The following FHIP1B variants were observed in gnomAD, a reference collection of about 807,000 sequenced individuals.
FHIP1B encodes FHF complex subunit HOOK-interacting protein 1B.
Under a neutral mutation model 82.2 loss-of-function variants are expected in FHIP1B, and 28 were observed. The observed-to-expected ratio is 0.34, with a 90% CI of 0.25 to 0.47. The LOEUF is 0.47. Ranked by LOEUF, FHIP1B falls within the 20% of genes least tolerant of loss-of-function variation. The pLI is 1.00. For synonymous variants in FHIP1B, 585 were observed against 516.1 expected (o/e 1.13, Z -1.81); for missense variants, 1,110 against 1,262.6 (o/e 0.88, Z 1.83).
Position 6,211,709 on chromosome 11 carries a change from G to C in FHIP1B, c.2716C>G (p.Leu906Val). 6.2e-7 allele frequency: 1 copy of C among 1,614,228 alleles called. No homozygotes were observed. The highest frequency in any genetic ancestry group is 8.5e-7 in the Non-Finnish European group (1 of 1,180,024). ...GSPGASTPVLLTRGGAPERQG... is the reference protein window; with the variant it reads ...GSPGASTPVLVTRGGAPERQG... ...CGTTCAGGGGCCCCGCCCCGGGTGA[G>C]TAGAACTGGAGTTGAAGCCCCAGGG... Residue 906 changes from leucine (L) to valine (V), a missense_variant, in exon 12 of 12, where the codon CTC becomes GTC. Coordinates refer to ENST00000449352, the MANE Select transcript of FHIP1B (RefSeq NM_001098794.2).
intron 1 of FHIP1B, among the ~76,000 whole-genome samples, chr11:6,233,553 G>A (rs1590642192): frequency 6.6e-6 from 1 of 152,312 alleles, no homozygotes; most frequent in African/African-American, 2.4e-5. Flanking sequence ...GTGTACACAT[G>A]TCAAAACTCA....
rs1435816528 is a variant in FHIP1B at position 6,222,488 on chromosome 11, T to C, written c.1145A>G (p.His382Arg). 4 of 1,613,866 alleles carry C rather than the reference T, an allele frequency of 2.5e-6. No individual in the cohort carries two copies. The highest frequency in any genetic ancestry group is 3.4e-6 in the Non-Finnish European group (4 of 1,180,012). The change falls in exon 6 of 12, where the codon CAC becomes CGC. Residue 382 changes from histidine to arginine, a missense_variant. Coordinates refer to ENST00000449352, the MANE Select transcript of FHIP1B (RefSeq NM_001098794.2). ...RFLLLHRHDTHTILDTLVARI... is the reference protein window; with the variant it reads ...RFLLLHRHDTRTILDTLVARI... Reference sequence around the variant, plus strand: ...AGCAACGAGGGTGTCGAGGATGGTGTGGGTGTCATGCCGGTGCAACAACAG... The same window carrying C: ...AGCAACGAGGGTGTCGAGGATGGTGCGGGTGTCATGCCGGTGCAACAACAG...
Position 6,218,114 on chromosome 11 carries a change from G to C in FHIP1B, c.1472C>G (p.Thr491Arg), listed in dbSNP as rs3750944. Residue 491 changes from threonine to arginine, a missense_variant, in exon 9 of 12, where the codon ACG (threonine) becomes AGG (arginine). This residue lies in a region of FHIP1B where 418 missense variants were observed against 371.4 expected (regional missense o/e 1.13). Coordinates refer to ENST00000449352, the MANE Select transcript of FHIP1B (RefSeq NM_001098794.2). ...TGGTGTGGAGGGCCGGGGTACTGTCGTCACAGAAGAGGAGTCCACACTTGG... is the reference window on the plus strand; with the variant it reads ...TGGTGTGGAGGGCCGGGGTACTGTCCTCACAGAAGAGGAGTCCACACTTGG... ...GSPSVDSSSV[T>R]TVPRPSTPSR... 60 of 1,611,554 alleles carry C rather than the reference G, an allele frequency of 3.7e-5. No individual in the cohort carries two copies. The highest frequency in any genetic ancestry group is 1.6e-4 in the Middle Eastern group (1 of 6,074).
chr11:6,218,557 C>T, intron 8 of FHIP1B, 43 bp downstream of exon 8: 1 of 1,612,992 alleles, frequency 6.2e-7, no homozygotes, highest in Non-Finnish European at 8.5e-7. Flanking sequence ...CTAGGCCATA[C>T]CCGTGATGTC....
At chr11:6,221,970 T>A (rs1190724234) in intron 6 of FHIP1B, among the ~76,000 whole-genome samples, 1 of 152,144 alleles carries the variant, frequency 6.6e-6, no homozygotes, top group Non-Finnish European at 1.5e-5. Flanking sequence ...CGAAAGTAGA[T>A]AGGTGGGTGG....
At chr11:6,225,219 T>C (rs1422925416) in intron 1 of FHIP1B, among the ~76,000 whole-genome samples, 1 of 152,278 alleles carries the variant, frequency 6.6e-6, no homozygotes, top group Non-Finnish European at 1.5e-5. Flanking sequence ...TACAGGAGCC[T>C]ACATAATCTA....
At chr11:6,215,636 T>G (rs1847205363) in intron 9 of FHIP1B, among the ~76,000 whole-genome samples, 1 of 152,160 alleles carries the variant, frequency 6.6e-6, no homozygotes, top group African/African-American at 2.4e-5. Flanking sequence ...GAACAGAATA[T>G]GTAGTAAAAG....
At chr11:6,227,365 G>A (rs1323989358) in intron 1 of FHIP1B, among the ~76,000 whole-genome samples, 1 of 152,194 alleles carries the variant, frequency 6.6e-6, no homozygotes, top group East Asian at 1.9e-4. Context: ...TGCAAATGCA[G>A]AATATCTGCC....
intron 9 of FHIP1B, 52 bp downstream of exon 9, chr11:6,217,319 C>T (rs765565992): frequency 1.3e-5 from 20 of 1,531,690 alleles, no homozygotes; most frequent in Middle Eastern, 1.7e-4. Flanking sequence ...ACAAACATGT[C>T]GAGAACATGC....
At position 6,211,556 on chromosome 11, in the gene FHIP1B, C is replaced by T; in HGVS notation, c.2869G>A (p.Glu957Lys). The T allele has an allele frequency of 1.2e-6, 2 of 1,613,712 alleles. No homozygotes were observed. The highest frequency in any genetic ancestry group is 1.7e-6 in the Non-Finnish European group (2 of 1,179,778). ...VTSPFLLETS[E>K]EGSGPLISGC... ...GAGATGAGAGGGCCAGATCCTTCCT[C>T]TGAAGTCTCCAACAAGAAAGGCGAG... The change falls in exon 12 of 12, where the codon GAG (glutamate) becomes AAG (lysine). Residue 957 changes from glutamate (E) to lysine (K), a missense_variant. This residue lies in a region of FHIP1B where 29 missense variants were observed against 21.5 expected (regional missense o/e 1.35). Coordinates refer to ENST00000449352, the MANE Select transcript of FHIP1B (RefSeq NM_001098794.2).
At chr11:6,232,317 T>C (rs1847719097) in intron 1 of FHIP1B, among the ~76,000 whole-genome samples, 1 of 152,256 alleles carries the variant, frequency 6.6e-6, no homozygotes, top group African/African-American at 2.4e-5. Flanking sequence ...CATGATATGA[T>C]CCACTATCAA....
intron 1 of FHIP1B, among the ~76,000 whole-genome samples, chr11:6,232,373 C>G (rs1277273905): frequency 6.6e-6 from 1 of 152,232 alleles, no homozygotes; most frequent in Non-Finnish European, 1.5e-5. Flanking sequence ...GTCACTGCGA[C>G]AGCATTAAAC....
rs3750945 is a variant in FHIP1B, at chr11:6,222,574, A to G, written c.1059T>C (p.Tyr353=). The change falls in exon 6 of 12, where the codon TAT becomes TAC. Residue 353 remains tyrosine (Y), a synonymous_variant. Coordinates refer to ENST00000449352, the MANE Select transcript of FHIP1B (RefSeq NM_001098794.2). The part of the protein sequence containing the change: ...SVEEMIASTA[Y]LELFLRSISE... ...AGATACTCCGTAGGAAAAGTTCCAG[A>G]TAGGCGGTACTGGCGATCATCTCCT... 0.79 allele frequency: 1,276,162 copies of G among 1,613,548 alleles called. 511,933 individuals carry two copies. Among genetic ancestry groups the G allele is most frequent in the East Asian group, 0.96 (43,249 of 44,870 alleles).
rs1363800243 is a variant in FHIP1B, at chr11:6,218,982, C to A, written c.1260G>T (p.Gln420His). ...GCCCCAACAGATACCTGAGAACCAG[C>A]TGCAGCAGGACATCCTCACAGCTGA... ...LNLSCEDVLL[Q>H]LVLRYLVPCN... Residue 420 changes from glutamine (Q) to histidine (H), a missense_variant, in exon 7 of 12, where the codon CAG becomes CAT. Gln to His is a conservative substitution (Grantham distance 24, BLOSUM62 0). Transcript: ENST00000449352. The A allele has an allele frequency of 6.2e-7, 1 of 1,613,918 alleles. No individual in the cohort carries two copies. The highest frequency in any genetic ancestry group is 1.3e-5 in the African/African-American group (1 of 74,902).
intron 7 of FHIP1B, 43 bp downstream of exon 7, chr11:6,218,928 G>A: frequency 6.2e-7 from 1 of 1,601,696 alleles, no homozygotes; most frequent in Non-Finnish European, 8.6e-7. Context: ...AAGACTCTGA[G>A]GCTTCAGGGT....
chr11:6,221,074 C>T (rs1847392410), intron 6 of FHIP1B, among the ~76,000 whole-genome samples: 2 of 152,170 alleles, frequency 1.3e-5, no homozygotes, highest in African/African-American at 4.8e-5. Context: ...AGCTCAGAAT[C>T]TGTTGTAGTT....
rs373805148 is a variant in FHIP1B at position 6,217,768 on chromosome 11, C to A, written c.1818G>T (p.Val606=). 6 of 1,608,584 alleles carry A rather than the reference C, an allele frequency of 3.7e-6. 1 individual carries two copies. Among genetic ancestry groups the A allele is most frequent in the South Asian group, 3.3e-5 (3 of 90,494 alleles). The part of the protein sequence containing the change: ...SLLPEEDRNN[V]GEGEEEELGR... Reference sequence around the variant, plus strand: ...CCAGCTCTTCCTCCTCCCCTTCCCCCACGTTGTTCCTGTCCTCCTCAGGCA... The same window carrying A: ...CCAGCTCTTCCTCCTCCCCTTCCCCAACGTTGTTCCTGTCCTCCTCAGGCA... The change falls in exon 9 of 12, where the codon GTG becomes GTT. Residue 606 remains valine (V), a synonymous_variant. Coordinates refer to ENST00000449352, the MANE Select transcript of FHIP1B (RefSeq NM_001098794.2).
chr11:6,217,179 G>A (rs575744837), intron 9 of FHIP1B, 192 bp downstream of exon 9: 11 of 709,618 alleles, frequency 1.6e-5, no homozygotes, highest in Admixed American at 4.0e-5. Flanking sequence ...GCACAAGCAT[G>A]GAAGACGTAC....
intron 6 of FHIP1B, among the ~76,000 whole-genome samples, chr11:6,219,715 A>C (rs1590619591): frequency 6.6e-6 from 1 of 152,216 alleles, no homozygotes; most frequent in Non-Finnish European, 1.5e-5. Flanking sequence ...AAGAAAACAC[A>C]TATGTAACCT....
Sources: allele counts gnomAD v4.1 joint callset (sites outside exome capture counted in the v4.1 genomes callset), GRCh38; gene constraint gnomAD v4.1.1; regional missense constraint gnomAD v4.1.1; transcripts MANE v1.5; gene names NCBI Gene and HGNC (gene_info 2026-07-23, HGNC 2026-07-21).